MGAT4C: variants seen among roughly 807,000 people sequenced by gnomAD.
The protein encoded by MGAT4C is alpha-1,3-mannosyl-glycoprotein 4-beta-N-acetylglucosaminyltransferase C.
In MGAT4C, 19 loss-of-function variants were observed where a neutral mutation model predicts 40.1. That is an observed-to-expected ratio of 0.47 (90% CI 0.33 to 0.70). The LOEUF is 0.70. Ranked by LOEUF, MGAT4C falls within the 30% of genes least tolerant of loss-of-function variation. MGAT4C has a pLI of 0.02. For synonymous variants in MGAT4C, 181 were observed against 187.1 expected (o/e 0.97, Z 0.27); for missense variants, 491 against 563.2 (o/e 0.87, Z 1.30).
intron 1 of MGAT4C, among the ~76,000 whole-genome samples, chr12:86,092,507 C>T (rs187079468): frequency 1.4e-4 from 21 of 151,972 alleles, no homozygotes; most frequent in South Asian, 8.3e-4. Flanking sequence ...TAAAAAAAGA[C>T]GCTAAAATAT....
chr12:86,762,467 G>A (rs1220281422), intron 1 of MGAT4C, among the ~76,000 whole-genome samples: 4 of 152,118 alleles, frequency 2.6e-5, no homozygotes, highest in African/African-American at 9.7e-5. Flanking sequence ...GGGTGAGAAA[G>A]CCACTGTTCA....
At chr12:86,327,605 G>GAA (rs1954556985) in intron 4 of MGAT4C, among the ~76,000 whole-genome samples, 2 of 151,874 alleles carry the variant, frequency 1.3e-5, no homozygotes, top group South Asian at 4.1e-4. Context: ...AAAAATTGAA[G>GAA]AAAATTGAGG....
chr12:86,622,874 A>G (rs1000936427), intron 2 of MGAT4C, among the ~76,000 whole-genome samples: 6 of 152,102 alleles, frequency 3.9e-5, no homozygotes, highest in Non-Finnish European at 8.8e-5. Context: ...TAAACCAGCT[A>G]TTATTATTAT....
rs1038325738 is a variant in MGAT4C at position 85,961,468 on chromosome 12, T to C, written c.*17821A>G. 6.6e-6 allele frequency: 1 copy of C among 151,744 alleles called. No homozygotes were observed. Among genetic ancestry groups the C allele is most frequent in the Non-Finnish European group, 1.5e-5 (1 of 67,760 alleles). 9.4% of individuals were successfully genotyped at this position (151,744 alleles called of 1,614,324 possible). A position where few individuals can be genotyped will look rare whatever the true frequency, so the allele number is the denominator to read the frequency against. Reference sequence around the variant, plus strand: ...ACAATTTAGGTTATAATCAAGATAATTATGTATATATATAAAATTATATAT... The same window carrying C: ...ACAATTTAGGTTATAATCAAGATAACTATGTATATATATAAAATTATATAT... On this transcript the variant is annotated 3_prime_UTR_variant, in exon 5 of 5. Coordinates refer to ENST00000611864, the MANE Select transcript of MGAT4C (RefSeq NM_001351288.2).
chr12:86,281,147 C>T (rs1057293254), intron 4 of MGAT4C, among the ~76,000 whole-genome samples: 1 of 151,694 alleles, frequency 6.6e-6, no homozygotes, highest in African/African-American at 2.4e-5. Flanking sequence ...TTCACTGTGC[C>T]CCTCCCTTCT....
At chr12:86,257,737 T>A (rs543249005), upstream of MGAT4C, among the ~76,000 whole-genome samples, 8 of 152,202 alleles carry the variant, frequency 5.3e-5, no homozygotes, top group Non-Finnish European at 1.0e-4. Context: ...TCCTCCCAAG[T>A]TCTGACTTTT....
rs193106708 is a variant in MGAT4C at position 86,391,353 on chromosome 12, T to G, written c.-120+43804A>C. On this transcript the variant is annotated intron_variant, in intron 3 of 7. Transcript: ENST00000548651. The stretch of plus-strand genomic sequence containing the variant: ...GACAGTTGTGCCAAAGGTTTGTTGC[T>G]GTTTTAACAGTATGGGGTTAATCAG... Among the ~76,000 whole-genome samples, 705 of 152,362 alleles carry G rather than the reference T, an allele frequency of 4.6e-3. 4 individuals are homozygous for G. Among genetic ancestry groups the G allele is most frequent in the Non-Finnish European group, 6.2e-3 (420 of 68,042 alleles).
At chr12:86,234,369 G>T (rs1951445865) in intron 1 of MGAT4C, among the ~76,000 whole-genome samples, 1 of 152,118 alleles carries the variant, frequency 6.6e-6, no homozygotes, top group African/African-American at 2.4e-5. Flanking sequence ...AATATACTCA[G>T]TCCTTTATGT....
chr12:86,698,686 G>T (rs1184875597), intron 2 of MGAT4C, among the ~76,000 whole-genome samples: 1 of 151,936 alleles, frequency 6.6e-6, no homozygotes, highest in Admixed American at 6.6e-5. Context: ...TGTGGGGGGG[G>T]TGGGTATTCT....
intron 3 of MGAT4C, among the ~76,000 whole-genome samples, chr12:86,369,020 ATTTGC>A (rs140432038): frequency 0.024 from 3,587 of 151,956 alleles, 75 homozygotes; most frequent in African/African-American, 0.049. Flanking sequence ...AGACGTCAAT[ATTTGC>A]TTTATCTATT....
intron 2 of MGAT4C, among the ~76,000 whole-genome samples, chr12:86,031,487 A>G (rs1047424321): frequency 6.6e-6 from 1 of 151,878 alleles, no homozygotes; most frequent in African/African-American, 2.4e-5. Flanking sequence ...GTCAGACTAG[A>G]TTATGAATAT....
chr12:86,232,092 G>A (rs1330935374), intron 1 of MGAT4C, among the ~76,000 whole-genome samples: 2 of 142,848 alleles, frequency 1.4e-5, no homozygotes, highest in African/African-American at 5.2e-5. Context: ...CCGAGGTAGC[G>A]CCACCGTACT....
At chr12:86,012,614 T>C (rs1047963902) in intron 2 of MGAT4C, among the ~76,000 whole-genome samples, 2 of 149,946 alleles carry the variant, frequency 1.3e-5, no homozygotes, top group African/African-American at 4.9e-5. Context: ...TAGCCAGGAG[T>C]GGTGGTGGGC....
chr12:86,380,107 AT>A lies in MGAT4C; in HGVS notation c.-119-45981del, dbSNP rs1164285511. 2.0e-5 allele frequency among the ~76,000 whole-genome samples: 3 copies of A among 152,116 alleles called. No homozygotes were observed. In the East Asian group the frequency reaches 5.8e-4, roughly 29 times the overall value. ...TATTTCTTATATGAGTCATTTTTTT[AT>A]GATAACATTGACTAATGTGCTGTAA... is the stretch of plus-strand genomic sequence containing the variant. On this transcript the variant is annotated intron_variant, in intron 3 of 7. Transcript: ENST00000548651.
At chr12:86,556,430 T>G (rs1022525630) in intron 2 of MGAT4C, among the ~76,000 whole-genome samples, 1 of 152,158 alleles carries the variant, frequency 6.6e-6, no homozygotes, top group African/African-American at 2.4e-5. Flanking sequence ...TTACCTGATC[T>G]TTTACATTTT....
intron 3 of MGAT4C, among the ~76,000 whole-genome samples, chr12:86,424,826 G>A (rs925277871): frequency 1.3e-5 from 2 of 152,042 alleles, no homozygotes; most frequent in Non-Finnish European, 2.9e-5. Context: ...GTAGGACCCC[G>A]GCTCACTGCA....
At chr12:86,663,680 G>A (rs1483425765) in intron 2 of MGAT4C, among the ~76,000 whole-genome samples, 1 of 152,160 alleles carries the variant, frequency 6.6e-6, no homozygotes, top group Non-Finnish European at 1.5e-5. Context: ...CACTGGTGGA[G>A]AAAGGGGAAA....
At chr12:86,280,637 C>T (rs1953194076) in intron 4 of MGAT4C, among the ~76,000 whole-genome samples, 1 of 150,306 alleles carries the variant, frequency 6.7e-6, no homozygotes, top group Non-Finnish European at 1.5e-5. Flanking sequence ...CTTATTGTGT[C>T]CATTATTGCT....
Position 86,393,773 on chromosome 12 carries a change from T to C in MGAT4C, c.-120+41384A>G, listed in dbSNP as rs147331359. The stretch of plus-strand genomic sequence containing the variant: ...GTATGGAGAATGATGTCTTTCATGG[T>C]GATTAGCCATAGGCATTTAATGCCT... On this transcript the variant is annotated intron_variant, in intron 3 of 7. Transcript: ENST00000548651. 5.6e-5 allele frequency among the ~76,000 whole-genome samples: 6 copies of C among 106,262 alleles called. No individual in the cohort carries two copies. In the East Asian group the frequency reaches 1.4e-3, roughly 25 times the overall value. 69.7% of individuals were successfully genotyped at this position (106,262 alleles called of 152,430 possible).
Sources: gnomAD v4.1 joint callset for allele counts (sites outside exome capture counted in the v4.1 genomes callset) on GRCh38, gnomAD v4.1.1 for gene constraint, MANE v1.5 for transcripts, NCBI Gene and HGNC (gene_info 2026-07-23, HGNC 2026-07-21) for gene names.